The following EFCAB5 variants were observed in gnomAD, a reference collection of about 807,000 sequenced individuals.
EFCAB5 encodes EF-hand calcium binding domain 5.
A neutral mutation model predicts 167.9 loss-of-function variants in EFCAB5; 131 were observed. The ratio of observed to expected loss-of-function variants is 0.78; its 90% CI spans 0.68 to 0.90. The LOEUF (loss-of-function observed/expected upper bound fraction) is 0.90. Among genes scored for constraint, EFCAB5 ranks in the 40% least tolerant of loss-of-function variants. The pLI is 0.00. For synonymous variants in EFCAB5, 574 were observed against 602.8 expected (o/e 0.95, Z 0.70); for missense variants, 1,663 against 1,745.2 (o/e 0.95, Z 0.84).
At chr17:30,105,307 T>C (rs893792305) in intron 22 of EFCAB5, among the ~76,000 whole-genome samples, 2 of 151,944 alleles carry the variant, frequency 1.3e-5, no homozygotes, top group Non-Finnish European at 2.9e-5. Flanking sequence ...GCCAACATGA[T>C]GAAACCCCGT....
At chr17:30,068,780 G>C (rs569304985) in intron 14 of EFCAB5, 1 of 1,350,664 alleles carries the variant, frequency 7.4e-7, no homozygotes, top group Non-Finnish European at 1.1e-6. Flanking sequence ...AACTTCTCCA[G>C]CCGGGCCCGC....
intron 7 of EFCAB5, among the ~76,000 whole-genome samples, chr17:30,029,795 A>T (rs2069430686): frequency 6.6e-6 from 1 of 152,182 alleles, no homozygotes; most frequent in Admixed American, 6.5e-5. Context: ...TATTGCTCTT[A>T]TATCACCCAC....
chr17:30,104,768 C>A (rs1221161538), intron 22 of EFCAB5, among the ~76,000 whole-genome samples: 1 of 152,070 alleles, frequency 6.6e-6, no homozygotes, highest in Non-Finnish European at 1.5e-5. Context: ...GTTAACGCAT[C>A]AACCTCTGGA....
intron 3 of EFCAB5, among the ~76,000 whole-genome samples, chr17:29,949,361 T>C (rs1444613788): frequency 6.6e-6 from 1 of 152,206 alleles, no homozygotes; most frequent in African/African-American, 2.4e-5. Flanking sequence ...TATTAGAAGG[T>C]AGACCACTAG....
chr17:29,930,143 C>CA, intron 1 of EFCAB5: 1 of 748,634 alleles, frequency 1.3e-6, no homozygotes, highest in South Asian at 1.8e-5. Context: ...GGAACGGCCG[C>CA]AGACTCCGCA....
chr17:29,950,545 AT>A (rs936863099), intron 3 of EFCAB5: 7 of 150,100 alleles, frequency 4.7e-5, no homozygotes, highest in South Asian at 4.2e-4. Flanking sequence ...TAAGTTTTTA[AT>A]TTTTTTTTGC....
At chr17:30,025,465 T>C (rs1305397063) in intron 7 of EFCAB5, among the ~76,000 whole-genome samples, 1 of 151,942 alleles carries the variant, frequency 6.6e-6, no homozygotes, top group Non-Finnish European at 1.5e-5. Context: ...AAAACCACAA[T>C]GAGATACCAT....
intron 7 of EFCAB5, among the ~76,000 whole-genome samples, chr17:30,003,583 A>C (rs1452654661): frequency 6.6e-6 from 1 of 151,664 alleles, no homozygotes; most frequent in Non-Finnish European, 1.5e-5. Flanking sequence ...AAAAGAAAAA[A>C]AAAAAAAAAG....
intron 7 of EFCAB5, among the ~76,000 whole-genome samples, chr17:30,003,099 CGG>C (rs142050259): frequency 7.7e-5 from 8 of 104,386 alleles, no homozygotes; most frequent in African/African-American, 2.0e-4. Context: ...TTTTTTGTAG[CGG>C]GGGGGGGGTC....
chr17:30,105,523 C>T (rs1298763971), intron 22 of EFCAB5, among the ~76,000 whole-genome samples: 1 of 152,030 alleles, frequency 6.6e-6, no homozygotes, highest in African/African-American at 2.4e-5. Context: ...AAACAAAAAA[C>T]AGAAAGAGAG....
chr17:30,089,025 T>G (rs2071143419), intron 19 of EFCAB5, among the ~76,000 whole-genome samples: 1 of 152,138 alleles, frequency 6.6e-6, no homozygotes, highest in African/African-American at 2.4e-5. Flanking sequence ...TGTGCCATGT[T>G]GGTGTGCTGC....
intron 8 of EFCAB5, among the ~76,000 whole-genome samples, chr17:30,050,672 TAAC>T (rs1255255030): frequency 6.6e-6 from 1 of 152,226 alleles, no homozygotes; most frequent in Admixed American, 6.5e-5. Flanking sequence ...CACAAAATGT[TAAC>T]AATCATTATT....
chr17:29,994,176 ATG>A (rs1431052766), intron 5 of EFCAB5, among the ~76,000 whole-genome samples: 33 of 120,746 alleles, frequency 2.7e-4, no homozygotes, highest in South Asian at 7.9e-4. Context: ...ATATATATAT[ATG>A]TGATATATAT....
In EFCAB5 at chr17:29,932,770, C is replaced by T. The variant is rs188776575; in HGVS notation, c.-127+3441C>T. On this transcript the variant is annotated intron_variant, in intron 1 of 3. Transcript: ENST00000448319. ...CCCGCACCCGGCCATCATTCTTTTTCTTAATAGTAGAAGTAGATTAGTGGT... is the reference window on the plus strand; with the variant it reads ...CCCGCACCCGGCCATCATTCTTTTTTTTAATAGTAGAAGTAGATTAGTGGT... 3.3e-5 allele frequency among the ~76,000 whole-genome samples: 5 copies of T among 152,094 alleles called. No individual in the cohort carries two copies. The East Asian group carries it at 7.7e-4, about 23-fold the overall frequency.
chr17:30,082,330 A>G (rs1462831726), intron 17 of EFCAB5, among the ~76,000 whole-genome samples: 1 of 150,756 alleles, frequency 6.6e-6, no homozygotes, highest in African/African-American at 2.4e-5. Flanking sequence ...ACATACCACA[A>G]ATTTCACTGG....
chr17:29,957,233 T>A (rs2067633986), intron 3 of EFCAB5, among the ~76,000 whole-genome samples: 1 of 152,216 alleles, frequency 6.6e-6, no homozygotes, highest in South Asian at 2.1e-4. Context: ...TTTCATTCTG[T>A]TGATATGATG....
chr17:30,016,956 C>T (rs751536320), intron 7 of EFCAB5, among the ~76,000 whole-genome samples: 39 of 152,018 alleles, frequency 2.6e-4, no homozygotes, highest in Non-Finnish European at 2.2e-4. Flanking sequence ...GTGGGAGGAT[C>T]TCTTGAGCCC....
Position 29,969,229 on chromosome 17 carries a change from C to T in EFCAB5, c.629C>T (p.Pro210Leu), listed in dbSNP as rs2067899513. The T allele has an allele frequency of 3.7e-6, 6 of 1,613,614 alleles. No homozygotes were observed. Among genetic ancestry groups the T allele is most frequent in the Non-Finnish European group, 5.1e-6 (6 of 1,179,820 alleles). The change falls in exon 4 of 23, where the codon CCA becomes CTA. Residue 210 changes from proline (P) to leucine (L), a missense_variant. Pro to Leu is a moderately conservative substitution (Grantham distance 98). Transcript: ENST00000394835. ...GCTGATACTCCAAGCAAGTTTGACC[C>T]AATTAATTATTTGGGGGAATATTTA... ...TEADTPSKFD[P>L]INYLGEYLIR...
chr17:30,072,719 A>C (rs528843404), intron 14 of EFCAB5, among the ~76,000 whole-genome samples: 1 of 152,266 alleles, frequency 6.6e-6, no homozygotes, highest in East Asian at 1.9e-4. Flanking sequence ...TGTTCTTCTT[A>C]TTGTATCTTA....
Sources: allele counts gnomAD v4.1 joint callset (sites outside exome capture counted in the v4.1 genomes callset), GRCh38; gene constraint gnomAD v4.1.1; transcripts MANE v1.5; gene names NCBI Gene and HGNC (gene_info 2026-07-23, HGNC 2026-07-21).